GLI3: variants seen among roughly 807,000 people sequenced by gnomAD.
The protein encoded by GLI3 is GLI family zinc finger 3.
Under a neutral mutation model 100.8 loss-of-function variants are expected in GLI3, and 20 were observed. The observed-to-expected ratio is 0.20, with a 90% confidence interval of 0.14 to 0.29. GLI3 has a LOEUF of 0.29. GLI3 is among the 10% of genes least tolerant of loss of function. The pLI, the probability that GLI3 is intolerant of heterozygous loss-of-function variation, is 1.00. For missense variants in GLI3, 2,040 were observed against 2,128.5 expected (o/e 0.96, Z 0.82); for synonymous variants, 938 against 860.5 (o/e 1.09, Z -1.58).
At chr7:42,054,483 G>A (rs1784412272) in intron 4 of GLI3, among the ~76,000 whole-genome samples, 1 of 152,106 alleles carries the variant, frequency 6.6e-6, no homozygotes, top group Non-Finnish European at 1.5e-5. Flanking sequence ...CTGCATGACT[G>A]CTCCAACTAC....
chr7:42,088,843 G>A (rs1036031820), intron 3 of GLI3, among the ~76,000 whole-genome samples: 2 of 152,326 alleles, frequency 1.3e-5, no homozygotes, highest in East Asian at 1.9e-4. Flanking sequence ...GCCACTGGCT[G>A]TCTGCTGCCT....
chr7:42,018,877 A>G (rs778022897), intron 10 of GLI3, among the ~76,000 whole-genome samples: 46 of 152,216 alleles, frequency 3.0e-4, no homozygotes, highest in Non-Finnish European at 5.4e-4. Context: ...GCTGGGTGCT[A>G]ACAGAAATAC....
In GLI3 at chr7:42,055,219, C is replaced by A. The variant is rs1784435229; in HGVS notation, c.474-6523G>T. 2.0e-5 allele frequency among the ~76,000 whole-genome samples: 3 copies of A among 151,928 alleles called. No individual in the cohort carries two copies. The South Asian group carries it at 6.2e-4, about 32-fold the overall frequency. On this transcript the variant is annotated intron_variant, in intron 4 of 14. Transcript: ENST00000395925. ...CAGTAGACACTGTCATAAATCTGCA[C>A]AATCCTATACTTTTTTTTCCCTCTA...
chr7:41,966,521 G>A lies in GLI3; in HGVS notation c.2552C>T (p.Ala851Val). Residue 851 changes from alanine to valine, a missense_variant, in exon 15 of 15, where the codon GCC becomes GTC. Physicochemically the swap from Ala to Val is moderately conservative, Grantham distance 64. Transcript: ENST00000395925. The surrounding 1 kb of genome is among the most constrained non-coding windows in gnomAD (Gnocchi z 5.8). ...CAGGTAGGCCGAGCTGATGGTGCTG[G>A]CGCTGCTGTCCCTTCTGTTGAGCAT... ...LNMLNRRDSS[A>V]STISSAYLSS... is the part of the protein sequence containing the mutation. 1 of 1,613,768 alleles carries A rather than the reference G, an allele frequency of 6.2e-7. No individual in the cohort carries two copies. Among genetic ancestry groups the A allele is most frequent in the Non-Finnish European group, 8.5e-7 (1 of 1,179,992 alleles).
intron 3 of GLI3, among the ~76,000 whole-genome samples, chr7:42,135,290 T>C (rs1048470278): frequency 7.2e-5 from 11 of 152,348 alleles, no homozygotes; most frequent in East Asian, 5.8e-4. Flanking sequence ...TAGCAATTTT[T>C]CATGATCTTT....
At chr7:41,971,165 A>G (rs956032754) in intron 13 of GLI3, among the ~76,000 whole-genome samples, 1 of 152,226 alleles carries the variant, frequency 6.6e-6, no homozygotes, top group African/African-American at 2.4e-5. Flanking sequence ...AAGATTGTGC[A>G]TTATTTCCCA....
At chr7:42,119,046 G>A (rs1050426814) in intron 3 of GLI3, among the ~76,000 whole-genome samples, 1 of 152,292 alleles carries the variant, frequency 6.6e-6, no homozygotes, top group East Asian at 1.9e-4. Flanking sequence ...AGGCAGGCAG[G>A]GCTGATAGGA....
chr7:42,064,858 G>A (rs554691093), intron 4 of GLI3, among the ~76,000 whole-genome samples: 2 of 152,316 alleles, frequency 1.3e-5, no homozygotes, highest in South Asian at 4.1e-4. Context: ...GTACAGTGAA[G>A]TGTTTATTTG....
intron 3 of GLI3, among the ~76,000 whole-genome samples, chr7:42,079,747 T>G (rs1013154678): frequency 1.3e-5 from 2 of 152,212 alleles, no homozygotes; most frequent in Admixed American, 1.3e-4. Flanking sequence ...TTGGCTGTGT[T>G]CTGCATGATG....
intron 2 of GLI3, among the ~76,000 whole-genome samples, chr7:42,211,123 C>T (rs576053867): frequency 6.6e-6 from 1 of 151,844 alleles, no homozygotes; most frequent in African/African-American, 2.4e-5. Context: ...CGAAACTGAT[C>T]AAAGAAAGTG....
In GLI3 at chr7:42,045,421, C is replaced by A; in HGVS notation, c.789G>T (p.Thr263=). The change falls in exon 6 of 15, where the codon ACG becomes ACT. Residue 263 remains threonine (T), a synonymous_variant. Transcript: ENST00000395925. Reference sequence around the variant, plus strand: ...GAAGATATTCCATGTGGATGGCCCCCGTGCCGGCGGTGGCAGCTGAGGGAA... The same window carrying A: ...GAAGATATTCCATGTGGATGGCCCCAGTGCCGGCGGTGGCAGCTGAGGGAA... ...DIIPSAATAG[T]GAIHMEYLHA... The A allele has an allele frequency of 6.2e-7, 1 of 1,614,100 alleles. No homozygotes were observed. Among genetic ancestry groups the A allele is most frequent in the Non-Finnish European group, 8.5e-7 (1 of 1,179,922 alleles).
Position 41,964,880 on chromosome 7 carries a change from G to A in GLI3, c.4193C>T (p.Pro1398Leu), listed in dbSNP as rs749600708. 3.1e-6 allele frequency: 5 copies of A among 1,613,698 alleles called. No individual in the cohort carries two copies. The highest frequency in any genetic ancestry group is 2.2e-5 in the East Asian group (1 of 44,888). Reference protein sequence around the residue: ...SFGGSRRQAMPRDSLALQSGQ... With the variant: ...SFGGSRRQAMLRDSLALQSGQ... ...TGACTGCAGAGCAAGGCTGTCCCTC[G>A]GCATAGCCTGGCGCCTGCTGCCCCC... Residue 1398 changes from proline (P) to leucine (L), a missense_variant, in exon 15 of 15, where the codon CCG (proline) becomes CTG (leucine). Physicochemically the swap from Pro to Leu is moderately conservative, Grantham distance 98. Transcript: ENST00000395925.
intron 7 of GLI3, among the ~76,000 whole-genome samples, chr7:42,030,188 C>A (rs1276609810): frequency 6.6e-6 from 1 of 151,764 alleles, no homozygotes. Flanking sequence ...ATCACTCAGG[C>A]CTCCTCCTCC....
chr7:42,152,455 C>CCTCCCT (rs1003006767), intron 2 of GLI3: 12 of 976,812 alleles, frequency 1.2e-5, no homozygotes, highest in East Asian at 1.1e-4. Context: ...TATCTCTCTG[C>CCTCCCT]CTCCCTCTCC....
At chr7:42,074,537 A>T (rs923346954) in intron 4 of GLI3, among the ~76,000 whole-genome samples, 2 of 152,250 alleles carry the variant, frequency 1.3e-5, no homozygotes, top group African/African-American at 2.4e-5. Flanking sequence ...TTAGGCCTTG[A>T]GGATGAATAT....
chr7:42,015,655 GGTT>G (rs1788738252), intron 10 of GLI3, among the ~76,000 whole-genome samples: 2 of 151,324 alleles, frequency 1.3e-5, no homozygotes, highest in Non-Finnish European at 2.9e-5. Context: ...GGGCTTGGCT[GGTT>G]ATGGGCCTTA....
intron 4 of GLI3, among the ~76,000 whole-genome samples, chr7:42,050,724 C>T (rs939424599): frequency 2.0e-5 from 3 of 152,206 alleles, no homozygotes; most frequent in Non-Finnish European, 4.4e-5. Context: ...ATAACTTGGT[C>T]TGAGCAACAT....
chr7:42,071,500 G>A (rs1204553478), intron 4 of GLI3, among the ~76,000 whole-genome samples: 1 of 152,072 alleles, frequency 6.6e-6, no homozygotes, highest in East Asian at 1.9e-4. Context: ...TACATGAACA[G>A]GCCCAATATA....
Position 42,026,365 on chromosome 7 carries a change from A to G in GLI3, c.1076T>C (p.Met359Thr). The G allele has an allele frequency of 6.2e-7, 1 of 1,614,184 alleles. No individual in the cohort carries two copies. The highest frequency in any genetic ancestry group is 8.5e-7 in the Non-Finnish European group (1 of 1,180,030). ...TTGTCGGCTTAGGATCTGCTGATGC[A>G]TGTGGAGAGAGACGGGCGCGGAAGA... is the stretch of plus-strand genomic sequence containing the variant. The part of the protein sequence containing the change: ...TYSSAPVSLH[M>T]HQQILSRQQS... Residue 359 changes from methionine (M) to threonine (T), a missense_variant, in exon 8 of 15, where the codon ATG becomes ACG. Transcript: ENST00000395925.
Sources: gnomAD v4.1 joint callset for allele counts (sites outside exome capture counted in the v4.1 genomes callset) on GRCh38, gnomAD v4.1.1 for gene constraint, Gnocchi (gnomAD v3.1) non-coding constraint, MANE v1.5 for transcripts, NCBI Gene and HGNC (gene_info 2026-07-23, HGNC 2026-07-21) for gene names.